The following EFCAB11 variants were observed in gnomAD, a reference collection of about 807,000 sequenced individuals.
The protein encoded by EFCAB11 is EF-hand calcium binding domain 11.
Under a neutral mutation model 23.0 loss-of-function variants are expected in EFCAB11, and 14 were observed. The observed-to-expected ratio is 0.61, with a 90% CI of 0.40 to 0.95. The LOEUF (loss-of-function observed/expected upper bound fraction) is 0.95, where lower values mean the gene tolerates loss of function less well. EFCAB11 is among the 40% of genes least tolerant of loss of function. The pLI is 0.00. For missense variants in EFCAB11, 198 were observed against 195.8 expected (o/e 1.01, Z -0.07); for synonymous variants, 65 against 66.6 (o/e 0.98, Z 0.11).
intron 5 of EFCAB11, among the ~76,000 whole-genome samples, chr14:89,916,059 C>T (rs888554653): frequency 1.3e-4 from 19 of 151,750 alleles, no homozygotes; most frequent in African/African-American, 4.4e-4. Flanking sequence ...GGCACAACTC[C>T]GATCTCTGCA....
chr14:89,870,294 T>C (rs1301938956), intron 5 of EFCAB11, among the ~76,000 whole-genome samples: 2 of 152,212 alleles, frequency 1.3e-5, no homozygotes, highest in Non-Finnish European at 2.9e-5. Context: ...ATCTATCTAC[T>C]ATCTAAGAAA....
chr14:89,894,239 C>T (rs560005829), intron 5 of EFCAB11, among the ~76,000 whole-genome samples: 3 of 152,172 alleles, frequency 2.0e-5, no homozygotes, highest in Non-Finnish European at 2.9e-5. Flanking sequence ...CGTGAGCCAC[C>T]GCACCCAGCC....
intron 5 of EFCAB11, among the ~76,000 whole-genome samples, chr14:89,853,075 T>C (rs1350718859): frequency 6.6e-6 from 1 of 152,250 alleles, no homozygotes; most frequent in Non-Finnish European, 1.5e-5. Flanking sequence ...CTTTTTATAC[T>C]TTTACATTCC....
intron 5 of EFCAB11, among the ~76,000 whole-genome samples, chr14:89,814,612 G>A (rs1436525565): frequency 6.6e-6 from 1 of 151,962 alleles, no homozygotes; most frequent in African/African-American, 2.4e-5. Flanking sequence ...GCTGAGGCAG[G>A]AGAATCGCTT....
At chr14:89,886,125 A>C (rs1318054761) in intron 5 of EFCAB11, among the ~76,000 whole-genome samples, 2 of 152,198 alleles carry the variant, frequency 1.3e-5, no homozygotes, top group African/African-American at 4.8e-5. Context: ...CTCAAATCTG[A>C]AGGCAGCCTG....
chr14:89,926,534 C>T (rs1890199958), intron 5 of EFCAB11, among the ~76,000 whole-genome samples: 1 of 151,884 alleles, frequency 6.6e-6, no homozygotes, highest in African/African-American at 2.4e-5. Flanking sequence ...AAAACCAAAA[C>T]AGAAAAAGAA....
chr14:89,889,198 T>C (rs1566798465), intron 5 of EFCAB11, among the ~76,000 whole-genome samples: 1 of 152,230 alleles, frequency 6.6e-6, no homozygotes, highest in Non-Finnish European at 1.5e-5. Context: ...TTTTTGACAA[T>C]TTATTTTAAT....
At chr14:89,954,360 A>T in intron 1 of EFCAB11, 1 of 1,536,150 alleles carries the variant, frequency 6.5e-7, no homozygotes, top group Non-Finnish European at 8.7e-7. Flanking sequence ...GTTACCATTA[A>T]TAGACTATAT....
intron 3 of EFCAB11, among the ~76,000 whole-genome samples, chr14:89,949,093 A>G (rs1251150538): frequency 6.6e-6 from 1 of 152,184 alleles, no homozygotes; most frequent in Non-Finnish European, 1.5e-5. Flanking sequence ...GGGTGACTAG[A>G]GTCAAAATGA....
At position 89,931,522 on chromosome 14, in the gene EFCAB11, A is replaced by C. The variant is rs1890388195; in HGVS notation, c.410+19T>G. ...TGGTAAATCAAAAGGTGGTGTACAG[A>C]AGGATTTTGATGCCTTACCTGAATA... is the stretch of plus-strand genomic sequence containing the variant. On this transcript the variant is annotated intron_variant, in intron 5 of 5. Transcript: ENST00000316738. 1 of 1,601,606 alleles carries C rather than the reference A, an allele frequency of 6.2e-7. No individual in the cohort carries two copies. The highest frequency in any genetic ancestry group is 1.1e-5 in the South Asian group (1 of 89,422).
At chr14:89,862,649 C>T (rs1952773) in intron 5 of EFCAB11, among the ~76,000 whole-genome samples, 135,920 of 152,288 alleles carry the variant, frequency 0.89, 60,926 homozygotes, top group African/African-American at 0.96. Context: ...GGAACTACAA[C>T]ACATAAGTTG....
At chr14:89,854,831 G>A (rs1887701323) in intron 5 of EFCAB11, among the ~76,000 whole-genome samples, 1 of 152,012 alleles carries the variant, frequency 6.6e-6, no homozygotes, top group Non-Finnish European at 1.5e-5. Context: ...TGTAGATTTA[G>A]ACATGAAATA....
At chr14:89,911,855 T>G (rs1889689034) in intron 5 of EFCAB11, among the ~76,000 whole-genome samples, 2 of 152,230 alleles carry the variant, frequency 1.3e-5, no homozygotes, top group African/African-American at 4.8e-5. Flanking sequence ...CAGTCCCCAC[T>G]GACAGAGCAC....
At chr14:89,904,520 T>C (rs1336090072) in intron 5 of EFCAB11, among the ~76,000 whole-genome samples, 1 of 152,200 alleles carries the variant, frequency 6.6e-6, no homozygotes, top group East Asian at 1.9e-4. Flanking sequence ...CAAATGGTAT[T>C]TCTAGTTCTA....
intron 5 of EFCAB11, among the ~76,000 whole-genome samples, chr14:89,844,812 T>C (rs1887381072): frequency 6.6e-6 from 1 of 152,214 alleles, no homozygotes; most frequent in South Asian, 2.1e-4. Context: ...GGGACTTGGC[T>C]TTGGGTATCA....
At chr14:89,886,873 T>C (rs1448447657) in intron 5 of EFCAB11, among the ~76,000 whole-genome samples, 1 of 152,198 alleles carries the variant, frequency 6.6e-6, no homozygotes, top group Non-Finnish European at 1.5e-5. Context: ...GGCTTAGAGA[T>C]TAAATATATC....
intron 5 of EFCAB11, among the ~76,000 whole-genome samples, chr14:89,861,374 C>G (rs1330780147): frequency 2.6e-5 from 4 of 152,180 alleles, no homozygotes; most frequent in African/African-American, 9.7e-5. Flanking sequence ...TTTGACTTAG[C>G]CTTCACATGT....
At chr14:89,881,098 C>T (rs1481058165) in intron 5 of EFCAB11, among the ~76,000 whole-genome samples, 1 of 151,744 alleles carries the variant, frequency 6.6e-6, no homozygotes, top group Non-Finnish European at 1.5e-5. Context: ...TCTTATTACC[C>T]TATTTATTTA....
chr14:89,890,371 G>A (rs910847361), intron 5 of EFCAB11, among the ~76,000 whole-genome samples: 4 of 152,130 alleles, frequency 2.6e-5, no homozygotes, highest in African/African-American at 9.7e-5. Context: ...AACAGCAATA[G>A]AAGATAAAGT....
Sources: gnomAD v4.1 joint callset for allele counts (sites outside exome capture counted in the v4.1 genomes callset) on GRCh38, gnomAD v4.1.1 for gene constraint, MANE v1.5 for transcripts, NCBI Gene and HGNC (gene_info 2026-07-23, HGNC 2026-07-21) for gene names.